The following EYA4 variants were observed in gnomAD, a reference collection of about 807,000 sequenced individuals.
EYA4 encodes EYA transcriptional coactivator and phosphatase 4.
Under a neutral mutation model 87.9 loss-of-function variants are expected in EYA4, and 31 were observed. That is an observed-to-expected ratio of 0.35 (90% CI 0.27 to 0.48). The LOEUF (loss-of-function observed/expected upper bound fraction) is 0.48. Ranked by LOEUF, EYA4 falls within the 20% of genes least tolerant of loss-of-function variation. The pLI, the probability that EYA4 is intolerant of heterozygous loss-of-function variation, is 0.99. For missense variants in EYA4, 678 were observed against 761.4 expected, an observed-to-expected ratio of 0.89 and a Z score of 1.29; for synonymous variants, 263 against 270.6, an observed-to-expected ratio of 0.97 and a Z score of 0.28.
intron 5 of EYA4, 55 bp downstream of exon 5, chr6:133,448,234 G>A: frequency 7.6e-7 from 1 of 1,307,234 alleles, no homozygotes; most frequent in Non-Finnish European, 1.1e-6. Context: ...TTGCCCCTCT[G>A]GATTGCTGTC....
intron 2 of EYA4, among the ~76,000 whole-genome samples, chr6:133,377,160 G>T (rs1053483205): frequency 4.2e-4 from 64 of 151,928 alleles, no homozygotes; most frequent in African/African-American, 1.5e-3. Context: ...GTAGAAAAAT[G>T]ATACAAATCC....
chr6:133,470,885 CTCTG>C (rs1248986921), intron 11 of EYA4, among the ~76,000 whole-genome samples: 3 of 91,856 alleles, frequency 3.3e-5, no homozygotes, highest in Non-Finnish European at 4.5e-5. Context: ...TGATTTGGCT[CTCTG>C]TCTGTCTGTT....
chr6:133,386,247 AT>A lies in EYA4; in HGVS notation c.83+3809del, dbSNP rs144090604. Among the ~76,000 whole-genome samples, 847 of 152,242 alleles carry A rather than the reference AT, an allele frequency of 5.6e-3. 11 individuals carry two copies. The highest frequency in any genetic ancestry group is 0.019 in the African/African-American group (805 of 41,550). On this transcript the variant is annotated intron_variant, in intron 3 of 19. Transcript: ENST00000355286. ...ATGTTTTTTTCTGTCTTCATGGTGAATTTATTTGTGTCAATTTGGGTCCCAT... is the reference window on the plus strand; with the variant it reads ...ATGTTTTTTTCTGTCTTCATGGTGAATTATTTGTGTCAATTTGGGTCCCAT...
intron 1 of EYA4, among the ~76,000 whole-genome samples, chr6:133,242,024 C>T (rs1773989208): frequency 6.6e-6 from 1 of 152,242 alleles, no homozygotes; most frequent in African/African-American, 2.4e-5. Context: ...CCCTTCCGAG[C>T]CTGCCTGTCC....
At chr6:133,272,082 G>A (rs1291216897) in intron 1 of EYA4, among the ~76,000 whole-genome samples, 1 of 152,206 alleles carries the variant, frequency 6.6e-6, no homozygotes, top group Admixed American at 6.5e-5. Context: ...TTCATGCAAA[G>A]TGCACAACGA....
At chr6:133,285,291 C>T (rs866526892) in intron 2 of EYA4, among the ~76,000 whole-genome samples, 1 of 152,058 alleles carries the variant, frequency 6.6e-6, no homozygotes, top group Non-Finnish European at 1.5e-5. Flanking sequence ...AGGGAGGCCT[C>T]ACTGAGAAGA....
In EYA4 at chr6:133,355,800, A is replaced by G. The variant is rs1351723838; in HGVS notation, c.34-26592A>G. Among the ~76,000 whole-genome samples the G allele has an allele frequency of 1.3e-5, 2 of 152,220 alleles. 1 individual carries two copies. The highest frequency in any genetic ancestry group is 2.9e-5 in the Non-Finnish European group (2 of 68,040). On this transcript the variant is annotated intron_variant, in intron 2 of 19. Coordinates refer to ENST00000355286, the MANE Select transcript of EYA4 (RefSeq NM_004100.5). The stretch of plus-strand genomic sequence containing the variant: ...TAAAAATCAATAAAAATAAGAGGGC[A>G]TGCTTTTATTAGAAATATAATTCTC...
At chr6:133,250,605 G>A (rs757620429) in intron 1 of EYA4, among the ~76,000 whole-genome samples, 1 of 152,052 alleles carries the variant, frequency 6.6e-6, no homozygotes, top group Non-Finnish European at 1.5e-5. Flanking sequence ...TTGCACCATT[G>A]CACTCCAGCC....
rs1313368435 is a variant in EYA4 at position 133,530,475 on chromosome 6, T to C, written c.*1670T>C. 2.0e-6 allele frequency: 2 copies of C among 985,694 alleles called. No homozygotes were observed. The highest frequency in any genetic ancestry group is 2.4e-6 in the Non-Finnish European group (2 of 829,942). 61.1% of individuals were successfully genotyped at this position (985,694 alleles called of 1,614,324 possible). A position where few individuals can be genotyped will look rare whatever the true frequency, so the allele number is the denominator to read the frequency against. ...TATGGTGTCTGCACCTGCAGTTCTGTGTTTAAAATGTCATAATGTGGATCC... is the reference window on the plus strand; with the variant it reads ...TATGGTGTCTGCACCTGCAGTTCTGCGTTTAAAATGTCATAATGTGGATCC... On this transcript the variant is annotated 3_prime_UTR_variant, in exon 20 of 20. Transcript: ENST00000355286.
At chr6:133,244,868 A>C (rs1051171118) in intron 1 of EYA4, among the ~76,000 whole-genome samples, 1 of 152,114 alleles carries the variant, frequency 6.6e-6, no homozygotes, top group African/African-American at 2.4e-5. Context: ...ATTTTTAGAA[A>C]GATAGAATGA....
intron 2 of EYA4, among the ~76,000 whole-genome samples, chr6:133,321,661 A>G (rs1781100942): frequency 6.6e-6 from 1 of 152,148 alleles, no homozygotes; most frequent in Admixed American, 6.5e-5. Flanking sequence ...ATTTCTTGGG[A>G]TTAGAATGTA....
At chr6:133,495,876 C>G (rs898541384) in intron 13 of EYA4, among the ~76,000 whole-genome samples, 3 of 152,168 alleles carry the variant, frequency 2.0e-5, no homozygotes, top group Non-Finnish European at 4.4e-5. Flanking sequence ...TTTTGAGAAC[C>G]ACTAGAGTGG....
intron 13 of EYA4, chr6:133,502,256 G>A (rs987224368): frequency 6.6e-6 from 1 of 151,776 alleles, no homozygotes; most frequent in Admixed American, 6.6e-5. Context: ...ACAAAACCCT[G>A]TTAGTGCCTT....
chr6:133,445,042 G>A (rs1467296952), intron 3 of EYA4, among the ~76,000 whole-genome samples: 1 of 151,842 alleles, frequency 6.6e-6, no homozygotes, highest in African/African-American at 2.4e-5. Context: ...TGGCTTCTTG[G>A]GGTTAATTGA....
chr6:133,417,066 G>A (rs577811439), intron 3 of EYA4, among the ~76,000 whole-genome samples: 4 of 152,270 alleles, frequency 2.6e-5, no homozygotes, highest in South Asian at 2.1e-4. Flanking sequence ...CTTGGCTATC[G>A]ATTTTTGCAA....
rs547643429 is a variant in EYA4 at position 133,451,169 on chromosome 6, T to C, written c.277+2990T>C. Among the ~76,000 whole-genome samples, 3 of 152,314 alleles carry C rather than the reference T, an allele frequency of 2.0e-5. No individual in the cohort carries two copies. In the South Asian group the frequency reaches 6.2e-4, roughly 32 times the overall value. ...ACAATACCTACACAAATTAACGTGATTGTATTTAAATAATTTGACTTATGA... is the reference window on the plus strand; with the variant it reads ...ACAATACCTACACAAATTAACGTGACTGTATTTAAATAATTTGACTTATGA... On this transcript the variant is annotated intron_variant, in intron 5 of 19. Coordinates refer to ENST00000355286, the MANE Select transcript of EYA4 (RefSeq NM_004100.5).
At chr6:133,455,624 T>C (rs886802744) in intron 5 of EYA4, among the ~76,000 whole-genome samples, 2 of 152,214 alleles carry the variant, frequency 1.3e-5, no homozygotes, top group Admixed American at 6.5e-5. Context: ...AGCTTTCTTC[T>C]TTATAATTTT....
At chr6:133,478,918 A>G (rs979314224) in intron 11 of EYA4, among the ~76,000 whole-genome samples, 2 of 152,076 alleles carry the variant, frequency 1.3e-5, no homozygotes, top group Non-Finnish European at 2.9e-5. Context: ...ACAACCACCC[A>G]TGACTGGGGT....
At chr6:133,277,030 A>G (rs1777235624) in intron 2 of EYA4, among the ~76,000 whole-genome samples, 3 of 152,204 alleles carry the variant, frequency 2.0e-5, no homozygotes, top group East Asian at 1.9e-4. Flanking sequence ...ATTTTGAAAA[A>G]TGATAGCATT....
Sources: gnomAD v4.1 joint callset for allele counts (sites outside exome capture counted in the v4.1 genomes callset) on GRCh38, gnomAD v4.1.1 for gene constraint, MANE v1.5 for transcripts, NCBI Gene and HGNC (gene_info 2026-07-23, HGNC 2026-07-21) for gene names.